The following STAMBPL1 variants were observed in gnomAD, a reference collection of about 807,000 sequenced individuals.
STAMBPL1 encodes STAM binding protein like 1.
A neutral mutation model predicts 52.9 loss-of-function variants in STAMBPL1; 44 were observed. The observed-to-expected ratio is 0.83, with a 90% CI of 0.65 to 1.07. The LOEUF (loss-of-function observed/expected upper bound fraction) is 1.07. STAMBPL1 is among the 50% of genes least tolerant of loss of function. STAMBPL1 has a pLI of 0.00. For synonymous variants in STAMBPL1, 164 were observed against 177.3 expected (o/e 0.92, Z 0.60); for missense variants, 511 against 520.8 (o/e 0.98, Z 0.18).
intron 3 of STAMBPL1, among the ~76,000 whole-genome samples, chr10:88,906,319 TC>T (rs1845074391): frequency 6.6e-6 from 1 of 152,222 alleles, no homozygotes; most frequent in Admixed American, 6.5e-5. Flanking sequence ...TAGTGACATA[TC>T]CTAGTTTAAG....
chr10:88,905,552 C>G lies in STAMBPL1; in HGVS notation c.140C>G (p.Thr47Ser). ...AATATCACCATCAGTGAAGACATCA[C>G]TCCACGACGTTACTTTAGGTCTGGA... is the stretch of plus-strand genomic sequence containing the variant. ...GCNITISEDI[T>S]PRRYFRSGVE... The change falls in exon 3 of 11, where the codon ACT becomes AGT. Residue 47 changes from threonine to serine, a missense_variant. This residue lies in a region of STAMBPL1 where 358 missense variants were observed against 343.5 expected (regional missense o/e 1.04). Transcript: ENST00000371926. 2 of 1,614,108 alleles carry G rather than the reference C, an allele frequency of 1.2e-6. No individual in the cohort carries two copies. Among genetic ancestry groups the G allele is most frequent in the Non-Finnish European group, 1.7e-6 (2 of 1,180,008 alleles).
chr10:88,915,147 ATACT>A (rs1255951051), intron 7 of STAMBPL1, among the ~76,000 whole-genome samples: 1 of 152,200 alleles, frequency 6.6e-6, no homozygotes, highest in East Asian at 1.9e-4. Flanking sequence ...AGCACAGGAC[ATACT>A]TAATTATGGA....
intron 1 of STAMBPL1, among the ~76,000 whole-genome samples, chr10:88,885,530 C>T (rs1449062225): frequency 6.6e-6 from 1 of 151,976 alleles, no homozygotes; most frequent in African/African-American, 2.4e-5. Context: ...CTTATGCCTC[C>T]CTCATATAAT....
In STAMBPL1 at chr10:88,905,357, A is replaced by G. The variant is rs1019817191; in HGVS notation, c.31-86A>G. On this transcript the variant is annotated intron_variant, in intron 2 of 10. Transcript: ENST00000371926. ...CTTAGGTAATGGTGTTAGGTTCCTC[A>G]TAAAGAACATATGTCCATAATATTA... 3 of 1,047,152 alleles carry G rather than the reference A, an allele frequency of 2.9e-6. No homozygotes were observed. In the African/African-American group the frequency reaches 4.7e-5, roughly 16 times the overall value. 64.9% of individuals were successfully genotyped at this position (1,047,152 alleles called of 1,614,324 possible).
chr10:88,881,384 G>GA (rs941310367), intron 1 of STAMBPL1, among the ~76,000 whole-genome samples: 42 of 149,782 alleles, frequency 2.8e-4, no homozygotes, highest in Middle Eastern at 3.4e-3. Context: ...CTAGAGGTTT[G>GA]AAAAAAAAAA....
chr10:88,906,879 G>A (rs1845087777), intron 3 of STAMBPL1, among the ~76,000 whole-genome samples: 1 of 152,154 alleles, frequency 6.6e-6, no homozygotes, highest in African/African-American at 2.4e-5. Context: ...GGGATTATAG[G>A]CATGAGCTAC....
intron 3 of STAMBPL1, among the ~76,000 whole-genome samples, chr10:88,906,596 A>G (rs1473379287): frequency 2.6e-5 from 4 of 152,202 alleles, no homozygotes; most frequent in African/African-American, 7.2e-5. Context: ...GACAATTAAC[A>G]TATTTATTAC....
At chr10:88,910,476 G>C (rs1845192733) in intron 4 of STAMBPL1, among the ~76,000 whole-genome samples, 1 of 152,074 alleles carries the variant, frequency 6.6e-6, no homozygotes, top group South Asian at 2.1e-4. Flanking sequence ...AAGTGCCTCA[G>C]CTATTCTTTT....
chr10:88,910,670 A>G (rs970894202), intron 4 of STAMBPL1, among the ~76,000 whole-genome samples: 1 of 152,252 alleles, frequency 6.6e-6, no homozygotes, highest in African/African-American at 2.4e-5. Flanking sequence ...GCATTGGGCT[A>G]TAACAAAATG....
chr10:88,905,738 A>G (rs1260534355), intron 3 of STAMBPL1, 78 bp downstream of exon 3: 18 of 1,169,544 alleles, frequency 1.5e-5, no homozygotes, highest in Non-Finnish European at 2.1e-5. Flanking sequence ...CAGTTTGGGT[A>G]TCAGTAATGT....
intron 1 of STAMBPL1, among the ~76,000 whole-genome samples, chr10:88,889,947 G>GGCTGATT (rs1398976715): frequency 6.6e-6 from 1 of 152,174 alleles, no homozygotes; most frequent in African/African-American, 2.4e-5. Context: ...TAAGAGCATT[G>GGCTGATT]GCTGATTGTT....
chr10:88,922,490 C>G (rs1845540170), intron 10 of STAMBPL1, 54 bp downstream of exon 10: 2 of 1,530,770 alleles, frequency 1.3e-6, no homozygotes, highest in African/African-American at 2.7e-5. Context: ...ACTGCCCCCC[C>G]AATCTGTTTT....
At chr10:88,916,538 G>T in intron 7 of STAMBPL1, 142 bp from the exon 8 acceptor site, 1 of 425,118 alleles carries the variant, frequency 2.4e-6, no homozygotes, top group Non-Finnish European at 3.8e-6. Context: ...CCAGGTACAG[G>T]GAGGGATGAT....
At chr10:88,908,662 G>A in intron 3 of STAMBPL1, 40 bp from the exon 4 acceptor site, 1 of 1,517,514 alleles carries the variant, frequency 6.6e-7, no homozygotes, top group Non-Finnish European at 9.0e-7. Context: ...TTGAACTTTT[G>A]CTGTCACATA....
intron 7 of STAMBPL1, 36 bp downstream of exon 7, chr10:88,914,694 A>C: frequency 4.3e-6 from 4 of 935,672 alleles, no homozygotes; most frequent in Non-Finnish European, 5.6e-6. Flanking sequence ...ATATATATAT[A>C]TCTGCATAGG....
At chr10:88,886,394 A>G (rs1035504437) in intron 1 of STAMBPL1, among the ~76,000 whole-genome samples, 2 of 152,102 alleles carry the variant, frequency 1.3e-5, no homozygotes, top group African/African-American at 4.8e-5. Context: ...GCATCCTTTG[A>G]TTTACTTTTT....
chr10:88,885,946 G>A (rs932661129), intron 1 of STAMBPL1, among the ~76,000 whole-genome samples: 3 of 152,132 alleles, frequency 2.0e-5, no homozygotes, highest in Non-Finnish European at 4.4e-5. Flanking sequence ...AGCTAGTATT[G>A]TGTTGTTCTA....
chr10:88,910,269 C>T (rs1845186920), intron 4 of STAMBPL1, among the ~76,000 whole-genome samples: 1 of 152,100 alleles, frequency 6.6e-6, no homozygotes. Flanking sequence ...CCGAACAGGA[C>T]TTTCAGTCTC....
chr10:88,915,998 T>G (rs1339031612), intron 7 of STAMBPL1, among the ~76,000 whole-genome samples: 1 of 152,126 alleles, frequency 6.6e-6, no homozygotes, highest in Non-Finnish European at 1.5e-5. Context: ...AGCCTCTCAT[T>G]GCACAAACAT....
Sources: gnomAD v4.1 joint callset for allele counts (sites outside exome capture counted in the v4.1 genomes callset) on GRCh38, gnomAD v4.1.1 for gene constraint, gnomAD v4.1.1 regional missense constraint, MANE v1.5 for transcripts, NCBI Gene and HGNC (gene_info 2026-07-23, HGNC 2026-07-21) for gene names.